PRPF8: variants seen among roughly 807,000 people sequenced by gnomAD.
PRPF8 encodes pre-mRNA processing factor 8.
PRPF8 carries 64 observed loss-of-function variants against 285.9 expected under a neutral mutation model. The observed-to-expected ratio is 0.22, with a 90% CI of 0.18 to 0.28. The LOEUF (loss-of-function observed/expected upper bound fraction) is 0.28, where lower values mean the gene tolerates loss of function less well. Ranked by LOEUF, PRPF8 falls within the 10% of genes least tolerant of loss-of-function variation. PRPF8 has a pLI of 1.00. For missense variants in PRPF8, 1,426 were observed against 3,026.7 expected, an observed-to-expected ratio of 0.47 and a Z score of 12.41; for synonymous variants, 1,325 against 1,118.2, an observed-to-expected ratio of 1.18 and a Z score of -3.69.
At chr17:1,677,720 A>G in intron 13 of PRPF8, 26 bp from the exon 14 acceptor site, 1 of 1,613,804 alleles carries the variant, frequency 6.2e-7, no homozygotes, top group Non-Finnish European at 8.5e-7. Context: ...GAAGTTAAGA[A>G]TACAAGTTAG....
At chr17:1,683,048 T>C (rs1241090985) in intron 3 of PRPF8, 2 of 209,070 alleles carry the variant, frequency 9.6e-6, no homozygotes, top group South Asian at 6.9e-5. Flanking sequence ...CAGGCCAGAG[T>C]GCAGTGGTGT....
At chr17:1,666,712 G>A (rs770923117) in intron 24 of PRPF8, among the ~76,000 whole-genome samples, 1 of 152,166 alleles carries the variant, frequency 6.6e-6, no homozygotes, top group Non-Finnish European at 1.5e-5. Flanking sequence ...CAATTATTGA[G>A]GTGAAAGAGT....
rs778417143 is a variant in PRPF8, at chr17:1,651,571, T to C, written c.6511-18A>G. Reference sequence around the variant, plus strand: ...TCCATCTCCTATAGGTAAAGAGGAGTACAGAGCTGAATCCCATCCACAGAC... The same window carrying C: ...TCCATCTCCTATAGGTAAAGAGGAGCACAGAGCTGAATCCCATCCACAGAC... On this transcript the variant is annotated intron_variant, in intron 40 of 42. Transcript: ENST00000304992. The surrounding 1 kb of genome is among the most constrained non-coding windows in gnomAD (Gnocchi z 5.1). 2 of 1,613,702 alleles carry C rather than the reference T, an allele frequency of 1.2e-6. No individual in the cohort carries two copies. The highest frequency in any genetic ancestry group is 1.7e-6 in the Non-Finnish European group (2 of 1,179,938).
chr17:1,653,822 T>C lies in PRPF8; in HGVS notation c.6182A>G (p.Asn2061Ser). The C allele has an allele frequency of 1.2e-6, 2 of 1,614,158 alleles. No individual in the cohort carries two copies. The highest frequency in any genetic ancestry group is 1.7e-6 in the Non-Finnish European group (2 of 1,180,026). Residue 2061 changes from asparagine (N) to serine (S), a missense_variant, in exon 38 of 43, where the codon AAC (asparagine) becomes AGC (serine). This residue lies in a region of PRPF8 where 160 missense variants were observed against 373.7 expected (regional missense o/e 0.43). Coordinates refer to ENST00000304992, the MANE Select transcript of PRPF8 (RefSeq NM_006445.4). This position sits in a 1 kb window ranked among gnomAD's most constrained non-coding sequence, Gnocchi z 4.9. ...GGATGAGAAAGTCTGGGTCTCATAGTTGCTGGTGGTGGAGGTGATGATCTC... is the reference window on the plus strand; with the variant it reads ...GGATGAGAAAGTCTGGGTCTCATAGCTGCTGGTGGTGGAGGTGATGATCTC... ...GDEIITSTTS[N>S]YETQTFSSKT...
chr17:1,678,757 C>A lies in PRPF8; in HGVS notation c.1719+5G>T. ...CAGGCAGGGGTTGGGAATACCTAAC[C>A]TTACCTGGAAGGCATCCACATTGCC... On this transcript the variant is annotated splice_donor_5th_base_variant and intron_variant, in intron 12 of 42. Transcript: ENST00000304992. 1 of 1,614,044 alleles carries A rather than the reference C, an allele frequency of 6.2e-7. No individual in the cohort carries two copies. Among genetic ancestry groups the A allele is most frequent in the Non-Finnish European group, 8.5e-7 (1 of 1,180,034 alleles).
At chr17:1,680,298 G>A (rs946293200) in intron 8 of PRPF8, among the ~76,000 whole-genome samples, 4 of 152,220 alleles carry the variant, frequency 2.6e-5, no homozygotes, top group Non-Finnish European at 5.9e-5. Flanking sequence ...GCGAGTAACT[G>A]CTAAGGGTTT....
Position 1,651,592 on chromosome 17 carries a change from C to A in PRPF8, c.6511-39G>T, listed in dbSNP as rs746253603. On this transcript the variant is annotated intron_variant, in intron 40 of 42. Coordinates refer to ENST00000304992, the MANE Select transcript of PRPF8 (RefSeq NM_006445.4). The surrounding 1 kb of genome is among the most constrained non-coding windows in gnomAD (Gnocchi z 5.1). ...GGAGTACAGAGCTGAATCCCATCCA[C>A]AGACAGGAATCGCACCAGCTTTTCC... 3 of 1,614,022 alleles carry A rather than the reference C, an allele frequency of 1.9e-6. No homozygotes were observed. The highest frequency in any genetic ancestry group is 2.5e-6 in the Non-Finnish European group (3 of 1,180,042).
chr17:1,671,850 CAAAAAA>C (rs1225346730), intron 24 of PRPF8, among the ~76,000 whole-genome samples: 1 of 49,806 alleles, frequency 2.0e-5, no homozygotes, highest in Non-Finnish European at 4.1e-5. Flanking sequence ...GACTCCATCT[CAAAAAA>C]AAAAAAAAAA....
Position 1,677,914 on chromosome 17 carries a change from C to T in PRPF8, c.1855-220G>A, listed in dbSNP as rs989859847. Among the ~76,000 whole-genome samples the T allele has an allele frequency of 2.6e-5, 4 of 152,144 alleles. No individual in the cohort carries two copies. The East Asian group carries it at 5.8e-4, about 22-fold the overall frequency. ...GCAAAAACCAGGAACTAAGATCGCC[C>T]ATGTGAATTTAAAGGAGCAGTAAGG... is the stretch of plus-strand genomic sequence containing the variant. On this transcript the variant is annotated intron_variant, in intron 13 of 42. Transcript: ENST00000304992.
intron 29 of PRPF8, 43 bp downstream of exon 29, chr17:1,660,655 C>T: frequency 6.2e-7 from 1 of 1,614,200 alleles, no homozygotes; most frequent in Non-Finnish European, 8.5e-7. Flanking sequence ...CAAGAAGCAG[C>T]AACTGTCTTT....
intron 13 of PRPF8, 49 bp downstream of exon 13, chr17:1,678,469 G>T (rs768135675): frequency 1.4e-5 from 23 of 1,610,174 alleles, no homozygotes; most frequent in East Asian, 2.2e-5. Context: ...AGAGACAAGA[G>T]TAAGACTCTG....
At chr17:1,660,161 C>T (rs960196534) in intron 30 of PRPF8, among the ~76,000 whole-genome samples, 160 bp from the exon 31 acceptor site, 5 of 152,196 alleles carry the variant, frequency 3.3e-5, no homozygotes, top group Admixed American at 1.3e-4. Context: ...CTGTACAGCA[C>T]GCTCTCCCCG....
chr17:1,681,171 T>G (rs1218717522), intron 6 of PRPF8, 117 bp from the exon 7 acceptor site: 1 of 1,178,486 alleles, frequency 8.5e-7, no homozygotes, highest in Non-Finnish European at 1.2e-6. Context: ...CGTGACCTCC[T>G]GGGCTCAAAC....
chr17:1,679,199 A>G lies in PRPF8; in HGVS notation c.1417T>C (p.Phe473Leu). 1 of 1,614,220 alleles carries G rather than the reference A, an allele frequency of 6.2e-7. No individual in the cohort carries two copies. Among genetic ancestry groups the G allele is most frequent in the Non-Finnish European group, 8.5e-7 (1 of 1,180,038 alleles). ...PPKAQKKRYL[F>L]RSFKATKFFQ... ...AATTTGGTGGCTTTGAAGGAGCGGA[A>G]CAAATACCTGAGGTGGGAACATGGA... Residue 473 changes from phenylalanine to leucine, a missense_variant, in exon 11 of 43, where the codon TTC becomes CTC. Around this residue, in one of 34 missense-constraint regions of PRPF8, gnomAD observed 137 missense variants for 161.2 expected, o/e 0.85. Coordinates refer to ENST00000304992, the MANE Select transcript of PRPF8 (RefSeq NM_006445.4). This position sits in a 1 kb window ranked among gnomAD's most constrained non-coding sequence, Gnocchi z 4.7.
rs1306468983 is a variant in PRPF8 at position 1,675,432 on chromosome 17, C to T, written c.2873-93G>A. ...TATCATTACCTTCCATAACCAATCC[C>T]ACTATGATTCCACGTATTCATTTGG... On this transcript the variant is annotated intron_variant, in intron 19 of 42. Transcript: ENST00000304992. The surrounding 1 kb of genome is among the most constrained non-coding windows in gnomAD (Gnocchi z 6.0). The T allele has an allele frequency of 2.9e-5, 44 of 1,493,100 alleles. No individual in the cohort carries two copies. Among genetic ancestry groups the T allele is most frequent in the Non-Finnish European group, 1.9e-6 (2 of 1,073,966 alleles). The allele number at this position is 1,493,100 out of a possible 1,614,324, so 92.5% of individuals were successfully genotyped here.
Position 1,674,683 on chromosome 17 carries a change from A to G in PRPF8, c.3061-3T>C. On this transcript the variant is annotated splice_polypyrimidine_tract_variant and splice_region_variant and intron_variant, in intron 20 of 42. Transcript: ENST00000304992. The stretch of plus-strand genomic sequence containing the variant: ...TATGAATTCGTATGGTTCATGTCCT[A>G]GAAAGAAAGAACTACAATTCTTAAG... 1.9e-6 allele frequency: 3 copies of G among 1,611,848 alleles called. No homozygotes were observed. The highest frequency in any genetic ancestry group is 2.5e-6 in the Non-Finnish European group (3 of 1,178,110).
intron 36 of PRPF8, 67 bp downstream of exon 36, chr17:1,656,325 C>G: frequency 6.3e-7 from 1 of 1,599,680 alleles, no homozygotes; most frequent in Non-Finnish European, 8.6e-7. Flanking sequence ...AAAAACCTGA[C>G]ACAGGATCTT....
chr17:1,674,636 C>T lies in PRPF8; in HGVS notation c.3105G>A (p.Gln1035=), dbSNP rs1912515315. The T allele has an allele frequency of 6.2e-7, 1 of 1,614,118 alleles. No homozygotes were observed. The change falls in exon 21 of 43, where the codon CAG becomes CAA. Residue 1035 remains glutamine, a synonymous_variant. Transcript: ENST00000304992. ...AATACTGCACGATGAATGAGGCAAA[C>T]TGCAGGCCTCTGATGATCCCATATG... is the stretch of plus-strand genomic sequence containing the variant. The part of the protein sequence containing the change: ...TNSYGIIRGL[Q]FASFIVQYYG...
intron 3 of PRPF8, 29 bp downstream of exon 3, chr17:1,683,504 A>G (rs1651732216): frequency 6.2e-7 from 1 of 1,613,744 alleles, no homozygotes; most frequent in African/African-American, 1.3e-5. Context: ...GCCAAATTCC[A>G]AATGAAATTA....
Sources: gnomAD v4.1 joint callset for allele counts (sites outside exome capture counted in the v4.1 genomes callset) on GRCh38, gnomAD v4.1.1 for gene constraint, gnomAD v4.1.1 regional missense constraint, Gnocchi (gnomAD v3.1) non-coding constraint, MANE v1.5 for transcripts, NCBI Gene and HGNC (gene_info 2026-07-23, HGNC 2026-07-21) for gene names.